Variants in GRIN3A observed in about 807,000 individuals in gnomAD.
GRIN3A encodes the protein glutamate ionotropic receptor NMDA type subunit 3A.
A neutral mutation model predicts 92.4 loss-of-function variants in GRIN3A; 47 were observed. The observed-to-expected ratio is 0.51, with a 90% CI of 0.40 to 0.65. The LOEUF (loss-of-function observed/expected upper bound fraction) is 0.65. GRIN3A is among the 30% of genes least tolerant of loss of function. The probability of loss-of-function intolerance (pLI) is 0.00; values close to 1 mark genes in which losing one functional copy is unlikely to be tolerated. For synonymous variants in GRIN3A, 527 were observed against 540.6 expected, an observed-to-expected ratio of 0.97 and a Z score of 0.35; for missense variants, 1,324 against 1,393.1, an observed-to-expected ratio of 0.95 and a Z score of 0.79.
intron 3 of GRIN3A, among the ~76,000 whole-genome samples, chr9:101,638,282 A>T (rs890271910): frequency 6.6e-6 from 1 of 152,184 alleles, no homozygotes; most frequent in African/African-American, 2.4e-5. Context: ...ATTTCAACAA[A>T]GGAATCATTG....
chr9:101,671,340 C>G (rs1319934972), intron 2 of GRIN3A, among the ~76,000 whole-genome samples: 3 of 152,134 alleles, frequency 2.0e-5, no homozygotes. Flanking sequence ...AATATTCTAG[C>G]CAGGTGCTTG....
At chr9:101,687,588 AG>A (rs1675997804) in intron 1 of GRIN3A, among the ~76,000 whole-genome samples, 1 of 152,232 alleles carries the variant, frequency 6.6e-6, no homozygotes, top group South Asian at 2.1e-4. Context: ...ATACGCAATA[AG>A]GAGAAGAAAT....
At position 101,571,985 on chromosome 9, in the gene GRIN3A, T is replaced by A. The variant is rs1297362195; in HGVS notation, c.*1189A>T. ...AGTGACACCTAAGCAGAGGGGAGGT[T>A]ACTTGTATCAGTCTTTGGGGGGCAT... On this transcript the variant is annotated 3_prime_UTR_variant, in exon 9 of 9. Transcript: ENST00000361820. The A allele has an allele frequency of 1.3e-5, 2 of 152,254 alleles. No individual in the cohort carries two copies. The highest frequency in any genetic ancestry group is 2.9e-5 in the Non-Finnish European group (2 of 68,096). The allele number at this position is 152,254 out of a possible 1,614,324, so 9.4% of individuals were successfully genotyped here.
rs149328588 is a variant in GRIN3A, at chr9:101,692,657, G to A, written c.700-5457C>T. Among the ~76,000 whole-genome samples, 140 of 152,150 alleles carry A rather than the reference G, an allele frequency of 9.2e-4. No individual in the cohort carries two copies. In the East Asian group the frequency reaches 0.013, roughly 14 times the overall value. On this transcript the variant is annotated intron_variant, in intron 1 of 8. Coordinates refer to ENST00000361820, the MANE Select transcript of GRIN3A (RefSeq NM_133445.3). ...AGATGAAATTTCCTTCCTTTCATCC[G>A]TCTGCTGATTACTAAATACATTTGA...
intron 1 of GRIN3A, among the ~76,000 whole-genome samples, chr9:101,717,547 C>T (rs1009458585): frequency 5.3e-5 from 8 of 152,190 alleles, no homozygotes; most frequent in African/African-American, 1.9e-4. Context: ...ATAGACTTGG[C>T]TAATCTTACC....
At chr9:101,641,298 C>T (rs549578041) in intron 3 of GRIN3A, among the ~76,000 whole-genome samples, 25 of 151,922 alleles carry the variant, frequency 1.6e-4, no homozygotes, top group African/African-American at 5.3e-4. Context: ...ATATACCCAA[C>T]GGATTATAAA....
intron 6 of GRIN3A, 52 bp downstream of exon 6, chr9:101,613,324 C>T (rs1397468449): frequency 8.2e-6 from 13 of 1,584,614 alleles, no homozygotes; most frequent in Non-Finnish European, 1.0e-5. Context: ...TCCTTATGTT[C>T]TCTGAGGTAC....
chr9:101,698,090 A>T (rs1209532157), intron 1 of GRIN3A, among the ~76,000 whole-genome samples: 1 of 152,226 alleles, frequency 6.6e-6, no homozygotes. Flanking sequence ...ATACAATCAC[A>T]TGTCTTATGA....
At chr9:101,574,768 C>T (rs1490893244) in intron 8 of GRIN3A, among the ~76,000 whole-genome samples, 2 of 152,138 alleles carry the variant, frequency 1.3e-5, no homozygotes, top group Non-Finnish European at 2.9e-5. Flanking sequence ...AGTGGCAGTT[C>T]CAAGCCTAAA....
At chr9:101,657,862 G>A (rs1343992866) in intron 3 of GRIN3A, among the ~76,000 whole-genome samples, 2 of 151,898 alleles carry the variant, frequency 1.3e-5, no homozygotes, top group African/African-American at 4.8e-5. Context: ...TGGAGGTGTG[G>A]GAGTTATTCC....
chr9:101,592,060 A>G (rs1330425737), intron 6 of GRIN3A: 1 of 152,198 alleles, frequency 6.6e-6, no homozygotes, highest in Non-Finnish European at 1.5e-5. Flanking sequence ...CACTTCCTCC[A>G]TGTAAAATTC....
chr9:101,587,283 C>T (rs1266699341), intron 6 of GRIN3A, among the ~76,000 whole-genome samples: 2 of 148,138 alleles, frequency 1.4e-5, no homozygotes, highest in African/African-American at 5.0e-5. Flanking sequence ...GCAATCCAGC[C>T]TGGGCAACAG....
intron 3 of GRIN3A, among the ~76,000 whole-genome samples, chr9:101,633,311 A>AT (rs1564131309): frequency 1.3e-5 from 2 of 152,208 alleles, no homozygotes; most frequent in Non-Finnish European, 2.9e-5. Context: ...GGAAAGGGCT[A>AT]TTCCTAACTT....
chr9:101,732,887 C>A (rs1830157223), intron 1 of GRIN3A, among the ~76,000 whole-genome samples: 1 of 151,876 alleles, frequency 6.6e-6, no homozygotes, highest in Non-Finnish European at 1.5e-5. Flanking sequence ...CAGAGATAGT[C>A]ACTTGCCCAA....
intron 1 of GRIN3A, among the ~76,000 whole-genome samples, chr9:101,723,653 A>T (rs1261078165): frequency 1.3e-5 from 2 of 152,146 alleles, no homozygotes; most frequent in Non-Finnish European, 2.9e-5. Flanking sequence ...GTGCGTTTAC[A>T]ATCCCTGAGC....
At chr9:101,620,474 A>G (rs375431464) in intron 5 of GRIN3A, among the ~76,000 whole-genome samples, 28 of 152,294 alleles carry the variant, frequency 1.8e-4, no homozygotes, top group African/African-American at 5.5e-4. Context: ...CACATAGAGT[A>G]CTGAGTGTGT....
intron 1 of GRIN3A, among the ~76,000 whole-genome samples, chr9:101,728,251 C>T (rs919417886): frequency 1.3e-5 from 2 of 152,114 alleles, no homozygotes; most frequent in Non-Finnish European, 2.9e-5. Context: ...CTGGTTGAGG[C>T]CTTCTGTCCA....
intron 3 of GRIN3A, among the ~76,000 whole-genome samples, chr9:101,664,225 A>G (rs1276421284): frequency 6.6e-6 from 1 of 151,948 alleles, no homozygotes; most frequent in Non-Finnish European, 1.5e-5. Context: ...CTAAAATAAC[A>G]TGATTTGGAT....
intron 1 of GRIN3A, among the ~76,000 whole-genome samples, chr9:101,728,683 C>A (rs1416128238): frequency 6.6e-6 from 1 of 152,152 alleles, no homozygotes; most frequent in African/African-American, 2.4e-5. Flanking sequence ...AAATTTCAAC[C>A]ATTATCCTTG....
Sources: allele counts gnomAD v4.1 joint callset (sites outside exome capture counted in the v4.1 genomes callset), GRCh38; gene constraint gnomAD v4.1.1; transcripts MANE v1.5; gene names NCBI Gene and HGNC (gene_info 2026-07-23, HGNC 2026-07-21).